Variants in OTOG observed in about 807,000 individuals in gnomAD.
The protein encoded by OTOG is otogelin.
Under a neutral mutation model 313.8 loss-of-function variants are expected in OTOG, and 296 were observed. The ratio of observed to expected loss-of-function variants is 0.94; its 90% CI spans 0.86 to 1.04. The LOEUF (loss-of-function observed/expected upper bound fraction) is 1.04, where lower values mean the gene tolerates loss of function less well. Among genes scored for constraint, OTOG ranks in the 50% least tolerant of loss-of-function variants. The probability of loss-of-function intolerance (pLI) is 0.00; values close to 1 mark genes in which losing one functional copy is unlikely to be tolerated. For synonymous variants in OTOG, 1,533 were observed against 1,554.9 expected (o/e 0.99, Z 0.33); for missense variants, 3,948 against 3,840.1 (o/e 1.03, Z -0.74).
At chr11:17,598,839 C>T (rs1446939062) in intron 30 of OTOG, among the ~76,000 whole-genome samples, 2 of 152,214 alleles carry the variant, frequency 1.3e-5, no homozygotes, top group African/African-American at 4.8e-5. Flanking sequence ...GGCACGTGCC[C>T]CTAGCCACAT....
At position 17,639,469 on chromosome 11, in the gene OTOG, G is replaced by A. The variant is rs1211874668; in HGVS notation, c.7935+6G>A. ...CGGTGCCCCGGTGCCATCTGGTATG[G>A]AGACGCTCCTCCCCCAACACTCCCT... On this transcript the variant is annotated splice_donor_region_variant and intron_variant, in intron 49 of 55. Coordinates refer to ENST00000399397, the MANE Select transcript of OTOG (RefSeq NM_001292063.2). 3 of 1,550,506 alleles carry A rather than the reference G, an allele frequency of 1.9e-6. No homozygotes were observed. Among genetic ancestry groups the A allele is most frequent in the Admixed American group, 2.0e-5 (1 of 50,976 alleles).
intron 23 of OTOG, among the ~76,000 whole-genome samples, chr11:17,583,829 A>G (rs1852730953): frequency 6.6e-6 from 1 of 152,142 alleles, no homozygotes; most frequent in African/African-American, 2.4e-5. Context: ...GGATCAGCTT[A>G]TCAATTTCTA....
intron 15 of OTOG, among the ~76,000 whole-genome samples, chr11:17,568,040 T>A (rs559988615): frequency 6.6e-6 from 1 of 152,204 alleles, no homozygotes; most frequent in Admixed American, 6.5e-5. Flanking sequence ...CCCGAGTAAC[T>A]GGGACTACAG....
At position 17,591,500 on chromosome 11, in the gene OTOG, C is replaced by G; in HGVS notation, c.2918C>G (p.Thr973Ser). Reference protein sequence around the residue: ...FQCTLHPCASTCTAYGDRHYR... With the variant: ...FQCTLHPCASSCTAYGDRHYR... ...TGCACCCTGCACCCTTGCGCCTCCA[C>G]CTGCACTGCCTATGGGGACCGGCAT... The change falls in exon 25 of 56, where the codon ACC becomes AGC. Residue 973 changes from threonine to serine, a missense_variant. Coordinates refer to ENST00000399397, the MANE Select transcript of OTOG (RefSeq NM_001292063.2). The G allele has an allele frequency of 6.4e-7, 1 of 1,550,740 alleles. No individual in the cohort carries two copies. The highest frequency in any genetic ancestry group is 8.7e-7 in the Non-Finnish European group (1 of 1,147,036).
intron 30 of OTOG, 61 bp from the exon 31 acceptor site, chr11:17,599,610 C>T: frequency 6.5e-7 from 1 of 1,535,128 alleles, no homozygotes; most frequent in South Asian, 1.2e-5. Flanking sequence ...AGCCTTGGCT[C>T]TGTCTGTCTG....
intron 39 of OTOG, among the ~76,000 whole-genome samples, chr11:17,619,862 C>G (rs1476614155): frequency 6.6e-6 from 1 of 152,138 alleles, no homozygotes; most frequent in Non-Finnish European, 1.5e-5. Context: ...TTGTGTAAAT[C>G]TAGATTTGCA....
chr11:17,557,296 C>G lies in OTOG; in HGVS notation c.838C>G (p.Pro280Ala). Residue 280 changes from proline to alanine, a missense_variant, in exon 8 of 56, where the codon CCC becomes GCC. Coordinates refer to ENST00000399397, the MANE Select transcript of OTOG (RefSeq NM_001292063.2). ...GCTGTGTGGGAACAACAATGCTGACCCCAAGGATGATCTGGTGACCAGCTC... is the reference window on the plus strand; with the variant it reads ...GCTGTGTGGGAACAACAATGCTGACGCCAAGGATGATCTGGTGACCAGCTC... ...HGLCGNNNAD[P>A]KDDLVTSSGK... The G allele has an allele frequency of 1.9e-6, 3 of 1,550,506 alleles. No individual in the cohort carries two copies. The highest frequency in any genetic ancestry group is 2.6e-6 in the Non-Finnish European group (3 of 1,146,992).
Position 17,629,736 on chromosome 11 carries a change from G to T in OTOG, c.6712+420G>T, listed in dbSNP as rs560253413. ...GAAAGGGGGCTCAGAGAGATTAAGG[G>T]GCTTACCCAAGGGCACACAGCAGAG... On this transcript the variant is annotated intron_variant, in intron 40 of 55. Transcript: ENST00000399397. 2.6e-5 allele frequency among the ~76,000 whole-genome samples: 4 copies of T among 152,236 alleles called. No individual in the cohort carries two copies. The South Asian group carries it at 8.3e-4, about 32-fold the overall frequency.
At chr11:17,602,403 A>G in intron 32 of OTOG, 26 bp downstream of exon 32, 1 of 1,542,100 alleles carries the variant, frequency 6.5e-7, no homozygotes, top group Non-Finnish European at 8.8e-7. Context: ...GTCCCACTCC[A>G]GCTCTTCTGG....
chr11:17,562,046 A>AAAAAATAT (rs1440986349), intron 15 of OTOG, among the ~76,000 whole-genome samples: 121 of 139,826 alleles, frequency 8.7e-4, no homozygotes, highest in Middle Eastern at 3.7e-3. Flanking sequence ...CTAAAAAAAA[A>AAAAAATAT]ATATATATAT....
rs528937385 is a variant in OTOG at position 17,631,702 on chromosome 11, G to A, written c.6713G>A (p.Gly2238Asp). 2.0e-5 allele frequency: 31 copies of A among 1,549,322 alleles called. No homozygotes were observed. The highest frequency in any genetic ancestry group is 2.7e-5 in the Non-Finnish European group (31 of 1,145,932). ...TSKAQGHGLCGICDGDAANDL... is the reference protein window; with the variant it reads ...TSKAQGHGLCDICDGDAANDL... ...GTTGGGATTGTTTGGCCCCTTTCAG[G>A]TATCTGTGATGGAGATGCAGCCAAT... Residue 2238 changes from glycine (G) to aspartate (D), a missense_variant and splice_region_variant, in exon 41 of 56, where the codon GGT (glycine) becomes GAT (aspartate). Gly to Asp is a moderately conservative substitution (Grantham distance 94). Transcript: ENST00000399397.
At chr11:17,591,687 G>A (rs1852941267) in intron 25 of OTOG, 99 bp downstream of exon 25, 4 of 1,440,108 alleles carry the variant, frequency 2.8e-6, no homozygotes, top group Non-Finnish European at 1.9e-6. Context: ...GGGTGATCGG[G>A]GATCTAAGCC....
rs762913727 is a variant in OTOG at position 17,626,170 on chromosome 11, CTTTG to C, written c.6529-2951_6529-2948del. Among the ~76,000 whole-genome samples the C allele has an allele frequency of 4.6e-3, 694 of 152,026 alleles. 17 individuals are homozygous for C. Among genetic ancestry groups the C allele is most frequent in the Non-Finnish European group, 1.1e-3 (76 of 67,940 alleles). On this transcript the variant is annotated intron_variant, in intron 39 of 55. Transcript: ENST00000399397. ...GTTCCATTAGTCTATATGTCTGTTT[CTTTG>C]TTTGTTTGTTTTTGTTTTTCAGACA...
rs1380767705 is a variant in OTOG at position 17,606,119 on chromosome 11, A to G, written c.4140A>G (p.Thr1380=). ...YEHTEVFRRG[T]LFRLLDAKPS... ...ACACAGAGGTGTTCCGCCGGGGCAC[A>G]CTCTTCCGCCTTCTGGGTAGGCGAC... Residue 1380 remains threonine, a synonymous_variant, in exon 33 of 56, where the codon ACA becomes ACG. Transcript: ENST00000399397. 14 of 1,538,620 alleles carry G rather than the reference A, an allele frequency of 9.1e-6. 1 individual carries two copies. The East Asian group carries it at 3.2e-4, about 35-fold the overall frequency.
chr11:17,618,876 T>C (rs1173426459), intron 39 of OTOG, among the ~76,000 whole-genome samples: 1 of 152,196 alleles, frequency 6.6e-6, no homozygotes, highest in Non-Finnish European at 1.5e-5. Flanking sequence ...TCTCCAGCTT[T>C]GTTTTGATTG....
chr11:17,561,237 G>T, intron 14 of OTOG, 100 bp downstream of exon 14: 1 of 1,362,574 alleles, frequency 7.3e-7, no homozygotes, highest in South Asian at 1.3e-5. Flanking sequence ...GGGTGGGGAT[G>T]TCACTCAGTT....
intron 43 of OTOG, 36 bp downstream of exon 43, chr11:17,633,910 A>G (rs1009927347): frequency 8.7e-6 from 13 of 1,501,142 alleles, no homozygotes; most frequent in Non-Finnish European, 1.1e-5. Context: ...GGGGCCTCCA[A>G]AGCCAGCCTC....
chr11:17,596,274 C>A, intron 29 of OTOG, 120 bp downstream of exon 29: 1 of 742,978 alleles, frequency 1.3e-6, no homozygotes, highest in Non-Finnish European at 2.3e-6. Flanking sequence ...GGAAGATCTG[C>A]CTCTGCCATT....
intron 24 of OTOG, among the ~76,000 whole-genome samples, chr11:17,588,379 C>T (rs778607072): frequency 5.5e-4 from 84 of 152,280 alleles, no homozygotes; most frequent in Middle Eastern, 6.8e-3. Context: ...CAGGATGGAG[C>T]CTGGCTACCC....
Sources: gnomAD v4.1 joint callset for allele counts (sites outside exome capture counted in the v4.1 genomes callset) on GRCh38, gnomAD v4.1.1 for gene constraint, MANE v1.5 for transcripts, NCBI Gene and HGNC (gene_info 2026-07-23, HGNC 2026-07-21) for gene names.